CDH8: variants seen among roughly 807,000 people sequenced by gnomAD.
CDH8 encodes cadherin 8.
In CDH8, 17 loss-of-function variants were observed where a neutral mutation model predicts 68.1. The ratio of observed to expected loss-of-function variants is 0.25; its 90% CI spans 0.17 to 0.37. CDH8 has a LOEUF of 0.37. Ranked by LOEUF, CDH8 falls within the 10% of genes least tolerant of loss-of-function variation. CDH8 has a pLI of 1.00. For missense variants in CDH8, 763 were observed against 999.3 expected (o/e 0.76, Z 3.19); for synonymous variants, 372 against 365.1 (o/e 1.02, Z -0.21).
intron 7 of CDH8, among the ~76,000 whole-genome samples, chr16:61,812,039 C>T (rs1369919): frequency 0.53 from 80,264 of 151,914 alleles, 23,166 homozygotes; most frequent in African/African-American, 0.77. Context: ...ATAGTGGATC[C>T]CTTATTAAGT....
chr16:61,690,032 T>C (rs1964187162), intron 10 of CDH8, among the ~76,000 whole-genome samples: 1 of 152,058 alleles, frequency 6.6e-6, no homozygotes, highest in Admixed American at 6.6e-5. Flanking sequence ...CATACCACAA[T>C]TCCATAAAAG....
intron 2 of CDH8, among the ~76,000 whole-genome samples, chr16:61,989,786 A>C (rs1965686198): frequency 6.6e-6 from 1 of 152,034 alleles, no homozygotes; most frequent in African/African-American, 2.4e-5. Flanking sequence ...TACAAACATT[A>C]ATACTTTCCC....
intron 2 of CDH8, among the ~76,000 whole-genome samples, chr16:61,981,780 AC>A (rs1965536567): frequency 6.6e-6 from 1 of 152,196 alleles, no homozygotes; most frequent in Non-Finnish European, 1.5e-5. Flanking sequence ...CAGGAAATGG[AC>A]AGTAATATAA....
intron 8 of CDH8, among the ~76,000 whole-genome samples, chr16:61,762,098 G>A (rs1463121997): frequency 6.6e-6 from 1 of 152,182 alleles, no homozygotes; most frequent in East Asian, 1.9e-4. Context: ...CCGGAGGTAG[G>A]CAGATATGGT....
At chr16:61,756,296 T>C (rs1176667716) in intron 8 of CDH8, among the ~76,000 whole-genome samples, 4 of 152,216 alleles carry the variant, frequency 2.6e-5, no homozygotes, top group African/African-American at 9.7e-5. Flanking sequence ...TTACTAAATA[T>C]TTAAGGTAAA....
At chr16:61,791,210 C>T (rs928184208) in intron 7 of CDH8, among the ~76,000 whole-genome samples, 1 of 151,902 alleles carries the variant, frequency 6.6e-6, no homozygotes, top group African/African-American at 2.4e-5. Flanking sequence ...CCCCAATCCC[C>T]AGGATAATTG....
At chr16:61,883,956 A>T (rs971309039) in intron 3 of CDH8, among the ~76,000 whole-genome samples, 5 of 105,846 alleles carry the variant, frequency 4.7e-5, no homozygotes, top group Non-Finnish European at 8.9e-5. Context: ...AAACAGTAGA[A>T]GGTTTTTTTT....
intron 8 of CDH8, among the ~76,000 whole-genome samples, chr16:61,745,912 T>C (rs571506148): frequency 1.3e-5 from 2 of 152,236 alleles, no homozygotes; most frequent in African/African-American, 4.8e-5. Context: ...GAAAATTTCA[T>C]ATAAAAGGTG....
intron 3 of CDH8, among the ~76,000 whole-genome samples, chr16:61,875,377 C>A (rs993782138): frequency 3.9e-5 from 6 of 152,054 alleles, no homozygotes; most frequent in Admixed American, 1.3e-4. Flanking sequence ...ATGAACATCA[C>A]CTGAATTACA....
intron 2 of CDH8, among the ~76,000 whole-genome samples, chr16:61,959,160 C>T (rs1251709209): frequency 1.3e-5 from 2 of 152,104 alleles, no homozygotes; most frequent in South Asian, 2.1e-4. Flanking sequence ...TTAAATACTT[C>T]CATTCTATTC....
In CDH8 at chr16:61,654,128, C is replaced by T. The variant is rs748552922; in HGVS notation, c.1907-27G>A. On this transcript the variant is annotated intron_variant, in intron 11 of 11. Coordinates refer to ENST00000577390, the MANE Select transcript of CDH8 (RefSeq NM_001796.5). ...TAGAGGAAAAATATTAAATAACAGT[C>T]AGCCAAACAAGCATATAATTTCACA... 4 of 1,590,288 alleles carry T rather than the reference C, an allele frequency of 2.5e-6. No individual in the cohort carries two copies. The African/African-American group carries it at 4.1e-5, about 16-fold the overall frequency.
At chr16:61,905,128 A>G (rs1964041183) in intron 2 of CDH8, among the ~76,000 whole-genome samples, 1 of 152,224 alleles carries the variant, frequency 6.6e-6, no homozygotes, top group Non-Finnish European at 1.5e-5. Flanking sequence ...GGGAAGGGTG[A>G]TCTAGAGAAA....
chr16:61,656,229 C>T (rs1016253913), intron 10 of CDH8, among the ~76,000 whole-genome samples: 1 of 152,044 alleles, frequency 6.6e-6, no homozygotes, highest in African/African-American at 2.4e-5. Context: ...TGAATGGGAC[C>T]CCCTGACGGA....
chr16:61,833,901 G>A (rs1962513899), intron 4 of CDH8, among the ~76,000 whole-genome samples: 1 of 151,750 alleles, frequency 6.6e-6, no homozygotes, highest in Non-Finnish European at 1.5e-5. Flanking sequence ...CTTCCCCACA[G>A]CATTTGTTTT....
At chr16:61,853,644 A>C (rs1312514916) in intron 4 of CDH8, among the ~76,000 whole-genome samples, 3 of 152,070 alleles carry the variant, frequency 2.0e-5, no homozygotes, top group African/African-American at 7.2e-5. Context: ...TCCTGAAGTA[A>C]TGTGCAGACC....
intron 1 of CDH8, among the ~76,000 whole-genome samples, chr16:62,031,256 C>A (rs942592722): frequency 6.6e-6 from 1 of 151,972 alleles, no homozygotes. Flanking sequence ...CAAAAATATG[C>A]TTTGTGGAAC....
At chr16:61,696,699 C>T (rs112702243) in intron 10 of CDH8, among the ~76,000 whole-genome samples, 4 of 152,238 alleles carry the variant, frequency 2.6e-5, no homozygotes, top group African/African-American at 9.6e-5. Flanking sequence ...CTTAGATGGC[C>T]AGCAATGATA....
chr16:61,735,859 G>T (rs1230823700), intron 8 of CDH8, among the ~76,000 whole-genome samples: 2 of 151,998 alleles, frequency 1.3e-5, no homozygotes, highest in East Asian at 1.9e-4. Flanking sequence ...GAGATCGCTA[G>T]GTCAAGAGAT....
At chr16:61,735,179 C>T (rs1959642604) in intron 8 of CDH8, among the ~76,000 whole-genome samples, 1 of 152,038 alleles carries the variant, frequency 6.6e-6, no homozygotes, top group Non-Finnish European at 1.5e-5. Flanking sequence ...AAGATCCTTA[C>T]TTAATTACAT....
Sources: allele counts gnomAD v4.1 joint callset (sites outside exome capture counted in the v4.1 genomes callset), GRCh38; gene constraint gnomAD v4.1.1; transcripts MANE v1.5; gene names NCBI Gene and HGNC (gene_info 2026-07-23, HGNC 2026-07-21).